The following CFAP77 variants were observed in gnomAD, a reference collection of about 807,000 sequenced individuals.
The protein encoded by CFAP77 is cilia and flagella associated protein 77.
In CFAP77, 25 loss-of-function variants were observed where a neutral mutation model predicts 31.1. The ratio of observed to expected loss-of-function variants is 0.80; its 90% CI spans 0.59 to 1.12. The LOEUF is 1.12. Ranked by LOEUF, CFAP77 falls within the 50% of genes most tolerant of loss-of-function variation. CFAP77 has a pLI of 0.00. For synonymous variants in CFAP77, 151 were observed against 159.9 expected, an observed-to-expected ratio of 0.94 and a Z score of 0.42; for missense variants, 377 against 397.3, an observed-to-expected ratio of 0.95 and a Z score of 0.44.
intron 3 of CFAP77, among the ~76,000 whole-genome samples, chr9:132,537,097 G>A (rs1272589394): frequency 2.6e-5 from 4 of 152,144 alleles, no homozygotes; most frequent in African/African-American, 7.2e-5. Context: ...AAGTGGGGAT[G>A]TTTAGCTGAG....
chr9:132,484,974 CT>C (rs1851514906), intron 1 of CFAP77, among the ~76,000 whole-genome samples: 2 of 152,030 alleles, frequency 1.3e-5, no homozygotes, highest in South Asian at 4.1e-4. Context: ...TCAACCTCCC[CT>C]GTAGCTGGGA....
intron 1 of CFAP77, among the ~76,000 whole-genome samples, chr9:132,446,233 A>G (rs1045679255): frequency 3.9e-5 from 6 of 152,064 alleles, no homozygotes; most frequent in Non-Finnish European, 5.9e-5. Flanking sequence ...AAAATCTAGG[A>G]AATTAAAGAG....
intron 3 of CFAP77, among the ~76,000 whole-genome samples, chr9:132,519,154 G>A (rs1852200080): frequency 6.6e-6 from 1 of 151,406 alleles, no homozygotes; most frequent in Non-Finnish European, 1.5e-5. Flanking sequence ...TGGTCCGGAT[G>A]GGTGGATGGA....
rs149549672 is a variant in CFAP77 at position 132,545,472 on chromosome 9, T to C, written c.732+2425T>C. Among the ~76,000 whole-genome samples, 41 of 152,270 alleles carry C rather than the reference T, an allele frequency of 2.7e-4. No individual in the cohort carries two copies. Among genetic ancestry groups the C allele is most frequent in the African/African-American group, 9.6e-4 (40 of 41,532 alleles). ...GAAAATCAACATGCAAGCCACAGCA[T>C]ATACTGAGTGTTCGCCTCCTTTCCG... On this transcript the variant is annotated intron_variant, in intron 5 of 5. Coordinates refer to ENST00000393216, the MANE Select transcript of CFAP77 (RefSeq NM_001282957.2). This position sits in a 1 kb window ranked among gnomAD's most constrained non-coding sequence, Gnocchi z 4.6.
At chr9:132,560,224 G>C (rs1472978660) in intron 5 of CFAP77, among the ~76,000 whole-genome samples, 1 of 152,202 alleles carries the variant, frequency 6.6e-6, no homozygotes, top group Admixed American at 6.5e-5. Context: ...TGGATGAGAT[G>C]AGTGATCATC....
At chr9:132,550,162 G>A (rs1163545907) in intron 5 of CFAP77, among the ~76,000 whole-genome samples, 2 of 152,186 alleles carry the variant, frequency 1.3e-5, no homozygotes, top group Non-Finnish European at 2.9e-5. Context: ...CCTACAACCT[G>A]GGAACCCCCA....
chr9:132,571,325 A>AC (rs575664391), intron 5 of CFAP77, among the ~76,000 whole-genome samples: 1 of 151,542 alleles, frequency 6.6e-6, no homozygotes, highest in Admixed American at 6.6e-5. Context: ...CAGCCACGCT[A>AC]CCCCCCTTTG....
chr9:132,444,474 A>G (rs905353487), intron 1 of CFAP77, among the ~76,000 whole-genome samples: 7 of 152,174 alleles, frequency 4.6e-5, no homozygotes, highest in Non-Finnish European at 8.8e-5. Context: ...CATTCATGCC[A>G]TGGTTTGTCC....
At chr9:132,542,848 C>A in intron 4 of CFAP77, 98 bp from the exon 5 acceptor site, 2 of 961,604 alleles carry the variant, frequency 2.1e-6, no homozygotes, top group Non-Finnish European at 3.3e-6. Context: ...GATCTTGCCA[C>A]GCCAAGAATC....
intron 1 of CFAP77, among the ~76,000 whole-genome samples, chr9:132,464,266 G>A (rs967364900): frequency 1.3e-5 from 2 of 152,022 alleles, no homozygotes; most frequent in Non-Finnish European, 2.9e-5. Flanking sequence ...TACAGGGCTC[G>A]GTCTCTGCCG....
At chr9:132,416,902 G>T (rs1442516419) in intron 1 of CFAP77, among the ~76,000 whole-genome samples, 1 of 152,064 alleles carries the variant, frequency 6.6e-6, no homozygotes, top group East Asian at 1.9e-4. Context: ...CTTCCAAAGT[G>T]CTGGGATTAC....
chr9:132,528,553 A>G (rs1018042257), intron 3 of CFAP77, among the ~76,000 whole-genome samples: 6 of 145,852 alleles, frequency 4.1e-5, no homozygotes, highest in African/African-American at 1.5e-4. Context: ...AGAAACTACC[A>G]TCAGAGTGAA....
chr9:132,414,499 TCACA>T (rs34016277), intron 1 of CFAP77, among the ~76,000 whole-genome samples: 43,628 of 143,336 alleles, frequency 0.3, 6,453 homozygotes, highest in Admixed American at 0.37. Context: ...TAGCTCTTAT[TCACA>T]CACACACACA....
At chr9:132,417,401 C>T (rs1850124011) in intron 1 of CFAP77, among the ~76,000 whole-genome samples, 1 of 152,240 alleles carries the variant, frequency 6.6e-6, no homozygotes, top group African/African-American at 2.4e-5. Flanking sequence ...GCGTGAGCCA[C>T]CATGTCTGGC....
intron 3 of CFAP77, among the ~76,000 whole-genome samples, chr9:132,534,702 GTTAT>G (rs1304403930): frequency 6.6e-6 from 1 of 151,606 alleles, no homozygotes; most frequent in East Asian, 1.9e-4. Context: ...GAAATGTTCT[GTTAT>G]TTATTTTCAG....
At chr9:132,483,743 C>T (rs1429360530) in intron 1 of CFAP77, among the ~76,000 whole-genome samples, 1 of 152,186 alleles carries the variant, frequency 6.6e-6, no homozygotes, top group Admixed American at 6.5e-5. Flanking sequence ...CCCATGCCCA[C>T]CTCAGCACAG....
chr9:132,556,500 C>T (rs1028299523), intron 5 of CFAP77, among the ~76,000 whole-genome samples: 1 of 152,134 alleles, frequency 6.6e-6, no homozygotes, highest in Non-Finnish European at 1.5e-5. Flanking sequence ...GAAGTTTCCT[C>T]CATCTCCCAT....
At chr9:132,555,218 AC>A (rs140608658) in intron 5 of CFAP77, among the ~76,000 whole-genome samples, 1,762 of 152,330 alleles carry the variant, frequency 0.012, 15 homozygotes, top group Non-Finnish European at 0.019. Flanking sequence ...AGCCTCGTCA[AC>A]CACAGAAAGG....
In CFAP77 at chr9:132,555,160, G is replaced by C. The variant is rs539647103; in HGVS notation, c.732+12113G>C. ...ATGGCATTAACATCTTTGCTATCTA[G>C]CTGAGGACACTTAGCTCTAATAGTC... On this transcript the variant is annotated intron_variant, in intron 5 of 5. Coordinates refer to ENST00000393216, the MANE Select transcript of CFAP77 (RefSeq NM_001282957.2). 3.3e-5 allele frequency among the ~76,000 whole-genome samples: 5 copies of C among 152,308 alleles called. No individual in the cohort carries two copies. The East Asian group carries it at 9.6e-4, about 29-fold the overall frequency.
Sources: gnomAD v4.1 joint callset for allele counts (sites outside exome capture counted in the v4.1 genomes callset) on GRCh38, gnomAD v4.1.1 for gene constraint, Gnocchi (gnomAD v3.1) non-coding constraint, MANE v1.5 for transcripts, NCBI Gene and HGNC (gene_info 2026-07-23, HGNC 2026-07-21) for gene names.